Variants in RNF216 observed in about 807,000 individuals in gnomAD.
RNF216 encodes the protein ring finger protein 216, also known as E3 ubiquitin-protein ligase RNF216.
A neutral mutation model predicts 110.8 loss-of-function variants in RNF216; 72 were observed. The ratio of observed to expected loss-of-function variants is 0.65; its 90% confidence interval spans 0.54 to 0.79. The LOEUF (loss-of-function observed/expected upper bound fraction) is 0.79. Among genes scored for constraint, RNF216 ranks in the 30% least tolerant of loss-of-function variants. The probability of loss-of-function intolerance (pLI) is 0.00; values close to 1 mark genes in which losing one functional copy is unlikely to be tolerated. For missense variants in RNF216, 1,342 were observed against 1,141.2 expected (o/e 1.18, Z -2.54); for synonymous variants, 495 against 407.5 (o/e 1.21, Z -2.59).
intron 13 of RNF216, among the ~76,000 whole-genome samples, chr7:5,673,537 T>C (rs917786183): frequency 2.0e-5 from 3 of 152,130 alleles, no homozygotes; most frequent in Admixed American, 6.5e-5. Flanking sequence ...CGTGGGGCAG[T>C]ATGCAGGGAA....
intron 1 of RNF216, among the ~76,000 whole-genome samples, chr7:5,779,563 A>G (rs530240793): frequency 5.9e-5 from 9 of 151,704 alleles, no homozygotes; most frequent in Non-Finnish European, 1.2e-4. Flanking sequence ...GTTCTGGCAG[A>G]GCACGGTGGC....
chr7:5,697,471 T>C (rs546819990), intron 13 of RNF216, among the ~76,000 whole-genome samples: 122 of 152,360 alleles, frequency 8.0e-4, no homozygotes, highest in African/African-American at 2.7e-3. Flanking sequence ...GAGGAGAAGA[T>C]GAAGTGTCAG....
chr7:5,630,526 G>GT (rs1346514452), intron 15 of RNF216, among the ~76,000 whole-genome samples: 3 of 152,122 alleles, frequency 2.0e-5, no homozygotes, highest in Non-Finnish European at 4.4e-5. Context: ...CTACAGGTGT[G>GT]TATCACCATG....
chr7:5,655,922 T>TC (rs1405722321), intron 13 of RNF216, among the ~76,000 whole-genome samples: 1 of 151,386 alleles, frequency 6.6e-6, no homozygotes, highest in Non-Finnish European at 1.5e-5. Context: ...TGTAGTGTGA[T>TC]CTCGGCTTAC....
At chr7:5,764,904 CA>C (rs1203121934) in intron 1 of RNF216, among the ~76,000 whole-genome samples, 1 of 151,602 alleles carries the variant, frequency 6.6e-6, no homozygotes, top group African/African-American at 2.4e-5. Context: ...CCCATCTCTA[CA>C]AAAAACTGAA....
intron 13 of RNF216, among the ~76,000 whole-genome samples, chr7:5,702,833 G>A (rs920764581): frequency 6.6e-6 from 1 of 152,230 alleles, no homozygotes; most frequent in Non-Finnish European, 1.5e-5. Flanking sequence ...GCCCTGCTCA[G>A]TACGTGACGG....
intron 15 of RNF216, among the ~76,000 whole-genome samples, chr7:5,629,194 CA>C (rs112745079): frequency 0.23 from 18,833 of 82,920 alleles, 2,266 homozygotes; most frequent in African/African-American, 0.45. Flanking sequence ...GACTCTGTCT[CA>C]AAAAAAAAAA....
At chr7:5,731,319 G>A (rs888602902) in intron 5 of RNF216, among the ~76,000 whole-genome samples, 1 of 152,122 alleles carries the variant, frequency 6.6e-6, no homozygotes, top group African/African-American at 2.4e-5. Context: ...AAATCTCTAT[G>A]GTAATAATAA....
At chr7:5,779,828 CAA>C (rs35798344) in intron 1 of RNF216, among the ~76,000 whole-genome samples, 20 of 51,232 alleles carry the variant, frequency 3.9e-4, no homozygotes, top group East Asian at 2.0e-3. Context: ...GACTCCGCCT[CAA>C]AAAAAAAAAA....
At chr7:5,738,428 G>A (rs1794560817) in intron 5 of RNF216, among the ~76,000 whole-genome samples, 1 of 152,066 alleles carries the variant, frequency 6.6e-6, no homozygotes, top group Admixed American at 6.6e-5. Context: ...AAGAAATATG[G>A]CTGGGAGCGG....
intron 9 of RNF216, among the ~76,000 whole-genome samples, chr7:5,718,175 G>A (rs921177986): frequency 1.3e-5 from 2 of 152,110 alleles, no homozygotes; most frequent in Non-Finnish European, 2.9e-5. Flanking sequence ...AAGGTCAGGA[G>A]TTTGACACCA....
chr7:5,730,990 C>T (rs1242290329), intron 5 of RNF216, among the ~76,000 whole-genome samples, 173 bp from the exon 6 acceptor site: 8 of 152,168 alleles, frequency 5.3e-5, no homozygotes, highest in East Asian at 1.9e-4. Flanking sequence ...AACAACTGCA[C>T]TGAATTTCTA....
chr7:5,754,146 GTGT>G (rs1795488099), intron 2 of RNF216, among the ~76,000 whole-genome samples: 1 of 151,430 alleles, frequency 6.6e-6, no homozygotes, highest in Non-Finnish European at 1.5e-5. Context: ...GTGTGTGTGT[GTGT>G]GTGTGTGTGT....
chr7:5,744,040 A>C (rs1211798208), intron 3 of RNF216, among the ~76,000 whole-genome samples: 2 of 152,242 alleles, frequency 1.3e-5, no homozygotes, highest in African/African-American at 2.4e-5. Context: ...CAGAAAATCA[A>C]AACAAGAGAA....
rs373785974 is a variant in RNF216 at position 5,741,113 on chromosome 7, G to C, written c.904C>G (p.Gln302Glu). 1.8e-5 allele frequency: 29 copies of C among 1,614,004 alleles called. No individual in the cohort carries two copies. Among genetic ancestry groups the C allele is most frequent in the Non-Finnish European group, 2.4e-5 (28 of 1,180,040 alleles). Residue 302 changes from glutamine (Q) to glutamate (E), a missense_variant, in exon 4 of 17, where the codon CAG becomes GAG. Gln to Glu is a conservative substitution (Grantham distance 29). Coordinates refer to ENST00000389902, the MANE Select transcript of RNF216 (RefSeq NM_207111.4). ...PAHPLGEFED[Q>E]QLASDDEEPG... is the part of the protein sequence containing the mutation. ...TCTTCATCATCACTTGCTAACTGCT[G>C]GTCTTCAAACTCTCCTAGAGGATGG...
chr7:5,700,812 T>G (rs1285369175), intron 13 of RNF216, among the ~76,000 whole-genome samples: 4 of 152,290 alleles, frequency 2.6e-5, no homozygotes, highest in Non-Finnish European at 5.9e-5. Flanking sequence ...GCCTGCCCGC[T>G]GCCATGGGTG....
chr7:5,752,602 C>T (rs1423095157), intron 3 of RNF216, among the ~76,000 whole-genome samples: 1 of 152,128 alleles, frequency 6.6e-6, no homozygotes, highest in Non-Finnish European at 1.5e-5. Flanking sequence ...AATGTTGTAG[C>T]AATGACAACA....
At chr7:5,761,705 G>A (rs1211379296) in intron 1 of RNF216, among the ~76,000 whole-genome samples, 1 of 151,786 alleles carries the variant, frequency 6.6e-6, no homozygotes, top group Non-Finnish European at 1.5e-5. Context: ...AGAATCGCTT[G>A]AACCCGGGAG....
At chr7:5,731,181 C>T (rs560464238) in intron 5 of RNF216, among the ~76,000 whole-genome samples, 1 of 152,244 alleles carries the variant, frequency 6.6e-6, no homozygotes, top group Non-Finnish European at 1.5e-5. Context: ...AAACTATGAA[C>T]AAGTAAGAAG....
Sources: gnomAD v4.1 joint callset for allele counts (sites outside exome capture counted in the v4.1 genomes callset) on GRCh38, gnomAD v4.1.1 for gene constraint, MANE v1.5 for transcripts, NCBI Gene and HGNC (gene_info 2026-07-23, HGNC 2026-07-21) for gene names.